NFIC: variants seen among roughly 807,000 people sequenced by gnomAD.
NFIC encodes nuclear factor I C.
In NFIC, 12 loss-of-function variants were observed where a neutral mutation model predicts 54.4. The ratio of observed to expected loss-of-function variants is 0.22; its 90% CI spans 0.14 to 0.36. The LOEUF (loss-of-function observed/expected upper bound fraction) is 0.36. NFIC is among the 10% of genes least tolerant of loss of function. NFIC has a pLI of 1.00. For missense variants in NFIC, 575 were observed against 718.2 expected, an observed-to-expected ratio of 0.80 and a Z score of 2.28; for synonymous variants, 322 against 319.2, an observed-to-expected ratio of 1.01 and a Z score of -0.09.
At chr19:3,368,027 G>A (rs1455745889) in intron 1 of NFIC, among the ~76,000 whole-genome samples, 1 of 151,928 alleles carries the variant, frequency 6.6e-6, no homozygotes, top group East Asian at 1.9e-4. Flanking sequence ...CCTTGGGTAA[G>A]TCCCTGTCCC....
At position 3,369,354 on chromosome 19, in the gene NFIC, A is replaced by T. The variant is rs1190546269; in HGVS notation, c.30+2688A>T. Among the ~76,000 whole-genome samples the T allele has an allele frequency of 6.7e-6, 1 of 148,958 alleles. No individual in the cohort carries two copies. Among genetic ancestry groups the T allele is most frequent in the Non-Finnish European group, 1.5e-5 (1 of 67,186 alleles). ...GCCCCCTCTCTCCCTGTCTCTCTCT[A>T]TCTCTGCATGTGTCTCCTTACTCCT... On this transcript the variant is annotated intron_variant, in intron 1 of 10. Coordinates refer to ENST00000443272, the MANE Select transcript of NFIC (RefSeq NM_001245002.2). The surrounding 1 kb of genome is among the most constrained non-coding windows in gnomAD (Gnocchi z 4.3).
intron 3 of NFIC, among the ~76,000 whole-genome samples, chr19:3,426,288 A>T (rs2082026620): frequency 6.6e-6 from 1 of 151,848 alleles, no homozygotes; most frequent in African/African-American, 2.4e-5. Context: ...TATGTTGCTC[A>T]GACTGGTCTC....
At chr19:3,450,767 G>T (rs1024997926) in intron 7 of NFIC, among the ~76,000 whole-genome samples, 5 of 152,208 alleles carry the variant, frequency 3.3e-5, no homozygotes, top group Admixed American at 3.3e-4. Context: ...ATGTTCTAGT[G>T]ATCAACTATT....
At chr19:3,398,177 C>T (rs2081495565) in intron 2 of NFIC, among the ~76,000 whole-genome samples, 1 of 152,200 alleles carries the variant, frequency 6.6e-6, no homozygotes, top group Non-Finnish European at 1.5e-5. Flanking sequence ...TTGCTCCGTG[C>T]CTCAGTTTCC....
rs142516242 is a variant in NFIC at position 3,412,312 on chromosome 19, A to T, written c.563-12794A>T. Among the ~76,000 whole-genome samples the T allele has an allele frequency of 3.7e-3, 562 of 152,128 alleles. 5 individuals are homozygous for T. Among genetic ancestry groups the T allele is most frequent in the Middle Eastern group, 0.01 (3 of 294 alleles). ...GCCCAGGCTGGAGTGCAGTGGTGTG[A>T]TCTTAGCTCACTGCAGACTCAAACT... On this transcript the variant is annotated intron_variant, in intron 2 of 10. Coordinates refer to ENST00000443272, the MANE Select transcript of NFIC (RefSeq NM_001245002.2).
intron 2 of NFIC, among the ~76,000 whole-genome samples, chr19:3,394,892 C>A (rs1284285093): frequency 6.6e-6 from 1 of 152,140 alleles, no homozygotes; most frequent in South Asian, 2.1e-4. Flanking sequence ...ATCCCAGAAC[C>A]ATCTCCCCAC....
In NFIC at chr19:3,462,944, GA is replaced by G. The variant is rs1599737139; in HGVS notation, c.*181del. The G allele has an allele frequency of 3.5e-6, 5 of 1,418,592 alleles. No individual in the cohort carries two copies. The East Asian group carries it at 1.3e-4, about 37-fold the overall frequency. The allele number at this position is 1,418,592 out of a possible 1,614,324, so 87.9% of individuals were successfully genotyped here. A position where few individuals can be genotyped will look rare whatever the true frequency, so the allele number is the denominator to read the frequency against. ...TAGACGCACACACTCAGGAGGAAAAGAAAAAACAAAGGCAGAAGAAGAAGAA... is the reference window on the plus strand; with the variant it reads ...TAGACGCACACACTCAGGAGGAAAAGAAAAACAAAGGCAGAAGAAGAAGAA... On this transcript the variant is annotated 3_prime_UTR_variant, in exon 11 of 11. Coordinates refer to ENST00000443272, the MANE Select transcript of NFIC (RefSeq NM_001245002.2).
chr19:3,363,854 G>A (rs1407236013), upstream of NFIC, among the ~76,000 whole-genome samples: 4 of 152,174 alleles, frequency 2.6e-5, no homozygotes, highest in African/African-American at 2.4e-5. Context: ...GGCCCAGGAC[G>A]GCCCCAACCC....
intron 6 of NFIC, among the ~76,000 whole-genome samples, chr19:3,444,555 G>A (rs2082342895): frequency 6.6e-6 from 1 of 152,222 alleles, no homozygotes; most frequent in Non-Finnish European, 1.5e-5. Context: ...GAGCGTGCCG[G>A]CTTATTCTTT....
chr19:3,431,467 C>T (rs1244776793), intron 3 of NFIC, among the ~76,000 whole-genome samples: 1 of 147,342 alleles, frequency 6.8e-6, no homozygotes, highest in African/African-American at 2.5e-5. Flanking sequence ...CTCCAGGGCT[C>T]GAGCTATCCT....
chr19:3,405,268 C>T (rs2145552548), intron 2 of NFIC, among the ~76,000 whole-genome samples: 1 of 152,334 alleles, frequency 6.6e-6, no homozygotes, highest in African/African-American at 2.4e-5. Context: ...CACGCCTCTG[C>T]CTCTCGGGCC....
intron 2 of NFIC, among the ~76,000 whole-genome samples, chr19:3,407,019 G>C (rs1394729303): frequency 6.6e-6 from 1 of 151,598 alleles, no homozygotes; most frequent in Non-Finnish European, 1.5e-5. Context: ...GACGAGGGGA[G>C]GAGGGGAGGG....
At chr19:3,414,901 A>C (rs1041957455) in intron 2 of NFIC, among the ~76,000 whole-genome samples, 2 of 151,908 alleles carry the variant, frequency 1.3e-5, no homozygotes, top group Non-Finnish European at 2.9e-5. Flanking sequence ...GTGCAATGGC[A>C]TGATCTCGGC....
In NFIC at chr19:3,464,259, T is replaced by A; in HGVS notation, c.*1490T>A. On this transcript the variant is annotated 3_prime_UTR_variant, in exon 11 of 11. Transcript: ENST00000443272. ...GGAGGCCGACGCCAGCGGTCCCCGC[T>A]CGGAACGGGGAGGGTTTTCGGGGGG... 1.0e-6 allele frequency: 1 copy of A among 985,234 alleles called. No homozygotes were observed. Among genetic ancestry groups the A allele is most frequent in the South Asian group, 4.7e-5 (1 of 21,288 alleles). The allele number at this position is 985,234 out of a possible 1,614,324, so 61.0% of individuals were successfully genotyped here.
intron 1 of NFIC, among the ~76,000 whole-genome samples, chr19:3,376,521 C>T (rs1001404362): frequency 1.3e-5 from 2 of 151,202 alleles, no homozygotes; most frequent in South Asian, 4.2e-4. Context: ...TCACTTGAGC[C>T]CAGGAGTTTG....
chr19:3,376,612 T>C (rs1480058686), intron 1 of NFIC, among the ~76,000 whole-genome samples: 1 of 152,004 alleles, frequency 6.6e-6, no homozygotes, highest in Non-Finnish European at 1.5e-5. Context: ...TTTGCACCTG[T>C]AGTCCCAGCT....
intron 2 of NFIC, among the ~76,000 whole-genome samples, chr19:3,393,091 C>T (rs892779515): frequency 7.9e-5 from 12 of 152,148 alleles, no homozygotes; most frequent in African/African-American, 2.9e-4. Context: ...CAGGTGCCCG[C>T]CACCACACCC....
chr19:3,455,637 C>T (rs2082541634), intron 9 of NFIC, among the ~76,000 whole-genome samples: 1 of 151,072 alleles, frequency 6.6e-6, no homozygotes, highest in African/African-American at 2.4e-5. Flanking sequence ...GAGATTATGC[C>T]CAGAGCCTGG....
upstream of NFIC, chr19:3,366,563 G>A (rs1263670672): frequency 2.6e-6 from 2 of 782,874 alleles, no homozygotes; most frequent in Non-Finnish European, 1.9e-6. Flanking sequence ...GGGCGGGGGG[G>A]TGGTTTGGAA....
Sources: allele counts gnomAD v4.1 joint callset (sites outside exome capture counted in the v4.1 genomes callset), GRCh38; gene constraint gnomAD v4.1.1; non-coding constraint Gnocchi (gnomAD v3.1); transcripts MANE v1.5; gene names NCBI Gene and HGNC (gene_info 2026-07-23, HGNC 2026-07-21).